Variants in ITIH5 observed in about 807,000 individuals in gnomAD.
The protein encoded by ITIH5 is inter-alpha-trypsin inhibitor heavy chain 5, also known as inter-alpha-trypsin inhibitor heavy chain H5.
A neutral mutation model predicts 77.5 loss-of-function variants in ITIH5; 65 were observed. The observed-to-expected ratio is 0.84, with a 90% CI of 0.69 to 1.03. The LOEUF (loss-of-function observed/expected upper bound fraction) is 1.03, where lower values mean the gene tolerates loss of function less well. Ranked by LOEUF, ITIH5 falls within the 50% of genes least tolerant of loss-of-function variation. The pLI, the probability that ITIH5 is intolerant of heterozygous loss-of-function variation, is 0.00. For synonymous variants in ITIH5, 525 were observed against 494.3 expected (o/e 1.06, Z -0.82); for missense variants, 1,208 against 1,213.1 (o/e 1.00, Z 0.06).
At chr10:7,661,530 C>A (rs1315103568) in intron 1 of ITIH5, among the ~76,000 whole-genome samples, 1 of 152,142 alleles carries the variant, frequency 6.6e-6, no homozygotes, top group East Asian at 1.9e-4. Flanking sequence ...AGAATATTCC[C>A]ATTTGGGTAA....
intron 12 of ITIH5, 107 bp downstream of exon 12, chr10:7,569,561 G>A (rs1021405090): frequency 8.6e-5 from 56 of 650,540 alleles, no homozygotes; most frequent in Middle Eastern, 3.6e-4. Flanking sequence ...CTCACTGAGC[G>A]TCTGTAAGGT....
chr10:7,608,629 G>A (rs1237978034), intron 7 of ITIH5, among the ~76,000 whole-genome samples: 2 of 152,138 alleles, frequency 1.3e-5, no homozygotes, highest in Non-Finnish European at 2.9e-5. Flanking sequence ...GTCTGAAGAA[G>A]GCAGCTACAA....
chr10:7,652,789 A>G (rs187842182), intron 2 of ITIH5, among the ~76,000 whole-genome samples: 1 of 152,286 alleles, frequency 6.6e-6, no homozygotes, highest in African/African-American at 2.4e-5. Context: ...TCAGAGAGGC[A>G]TTCTTCCAGT....
chr10:7,664,399 C>CAAA lies in ITIH5; in HGVS notation c.90+2401_90+2403dup, dbSNP rs35992152. Reference sequence around the variant, plus strand: ...TGGGCGACACAGCGAGATTCCGTCTCAAAAAAAAAAAAAAAACTAAAATGT... The same window carrying CAAA: ...TGGGCGACACAGCGAGATTCCGTCTCAAAAAAAAAAAAAAAAAAACTAAAATGT... On this transcript the variant is annotated intron_variant, in intron 1 of 13. Coordinates refer to ENST00000397146, the MANE Select transcript of ITIH5 (RefSeq NM_030569.7). 3.3e-3 allele frequency among the ~76,000 whole-genome samples: 394 copies of CAAA among 118,634 alleles called. 8 individuals carry two copies. In the East Asian group the frequency reaches 0.036, roughly 11 times the overall value. The allele number at this position is 118,634 out of a possible 152,430, so 77.8% of individuals were successfully genotyped here.
intron 8 of ITIH5, among the ~76,000 whole-genome samples, chr10:7,583,612 G>C (rs1832613074): frequency 1.3e-5 from 2 of 152,188 alleles, no homozygotes; most frequent in South Asian, 4.1e-4. Flanking sequence ...AGGGTTATAG[G>C]TATGAGCCAC....
intron 6 of ITIH5, 29 bp from the exon 7 acceptor site, chr10:7,616,127 G>A (rs781550527): frequency 4.2e-5 from 56 of 1,336,018 alleles, no homozygotes; most frequent in Non-Finnish European, 5.7e-5. Context: ...AGTAAAAACG[G>A]TAGTACCTAG....
rs950466402 is a variant in ITIH5 at position 7,562,940 on chromosome 10, C to T, written c.*143G>A. On this transcript the variant is annotated 3_prime_UTR_variant, in exon 14 of 14. Transcript: ENST00000397146. ...CCCTACCCTTCGCCCAGACAGACGT[C>T]GGATCTATGCTGCACCAGGGGTGGG... is the stretch of plus-strand genomic sequence containing the variant. The T allele has an allele frequency of 2.0e-5, 11 of 553,100 alleles. No homozygotes were observed. Among genetic ancestry groups the T allele is most frequent in the Non-Finnish European group, 3.7e-5 (11 of 295,114 alleles). The allele number at this position is 553,100 out of a possible 1,614,324, so 34.3% of individuals were successfully genotyped here. A position where few individuals can be genotyped will look rare whatever the true frequency, so the allele number is the denominator to read the frequency against.
chr10:7,624,305 C>G (rs960399907), intron 5 of ITIH5, among the ~76,000 whole-genome samples: 1 of 150,286 alleles, frequency 6.7e-6, no homozygotes, highest in Non-Finnish European at 1.5e-5. Context: ...GTGGGGAGGT[C>G]GAGACCAGCC....
At chr10:7,600,602 C>G (rs1401445849) in intron 7 of ITIH5, 1 of 456,664 alleles carries the variant, frequency 2.2e-6, no homozygotes, top group Non-Finnish European at 4.4e-6. Context: ...AATTATCTGA[C>G]TTTACATTTG....
At chr10:7,644,458 T>TA (rs1198432925) in intron 2 of ITIH5, among the ~76,000 whole-genome samples, 5 of 143,518 alleles carry the variant, frequency 3.5e-5, no homozygotes, top group South Asian at 2.1e-4. Flanking sequence ...AGATCATATA[T>TA]ATCACATATA....
intron 4 of ITIH5, among the ~76,000 whole-genome samples, chr10:7,639,539 T>C (rs896419941): frequency 5.9e-5 from 9 of 152,220 alleles, no homozygotes; most frequent in African/African-American, 2.2e-4. Context: ...TGGCAGTCTA[T>C]AATTTTAGAG....
chr10:7,603,865 G>A (rs1343095485), intron 7 of ITIH5, among the ~76,000 whole-genome samples: 1 of 152,140 alleles, frequency 6.6e-6, no homozygotes, highest in Non-Finnish European at 1.5e-5. Flanking sequence ...TTACAGGCAT[G>A]AGCCACCACG....
intron 2 of ITIH5, among the ~76,000 whole-genome samples, chr10:7,654,956 C>CA (rs200434708): frequency 1.6e-5 from 2 of 125,944 alleles, no homozygotes; most frequent in Admixed American, 1.5e-4. Flanking sequence ...GAAAACCAAG[C>CA]AAAAAAAAAA....
At chr10:7,590,989 C>T (rs963491713) in intron 7 of ITIH5, among the ~76,000 whole-genome samples, 1 of 152,200 alleles carries the variant, frequency 6.6e-6, no homozygotes, top group Non-Finnish European at 1.5e-5. Flanking sequence ...CTCCGCCTCC[C>T]GGGTTCAAGC....
At position 7,566,274 on chromosome 10, in the gene ITIH5, G is replaced by C; in HGVS notation, c.2283C>G (p.Ser761Arg). ...TGTCCCCACCATCCAAGATGACTCT[G>C]CTCGGTGTGATCTCGAGATAAGATC... ...PERSYLEITP[S>R]RVILDGGDRL... Residue 761 changes from serine to arginine, a missense_variant, in exon 13 of 14, where the codon AGC becomes AGG. Transcript: ENST00000397146. 6.2e-7 allele frequency: 1 copy of C among 1,613,512 alleles called. No homozygotes were observed. Among genetic ancestry groups the C allele is most frequent in the South Asian group, 1.1e-5 (1 of 90,910 alleles).
chr10:7,570,841 C>T (rs562838028), intron 11 of ITIH5, among the ~76,000 whole-genome samples: 81 of 152,200 alleles, frequency 5.3e-4, no homozygotes, highest in Non-Finnish European at 1.1e-3. Context: ...AGGCTGGTCT[C>T]AAACTCCTGG....
At chr10:7,578,708 C>T (rs144396569) in intron 9 of ITIH5, 2 of 152,278 alleles carry the variant, frequency 1.3e-5, no homozygotes, top group Middle Eastern at 6.8e-3. Flanking sequence ...CCCAAACCTC[C>T]CCTTTGCTTT....
chr10:7,578,464 A>G (rs1200324186), intron 9 of ITIH5: 2 of 165,598 alleles, frequency 1.2e-5, no homozygotes, highest in Non-Finnish European at 2.9e-5. Flanking sequence ...TTGAATTTCA[A>G]TTCTGTTATC....
intron 10 of ITIH5, among the ~76,000 whole-genome samples, chr10:7,575,225 A>C (rs142307041): frequency 6.6e-6 from 1 of 152,320 alleles, no homozygotes; most frequent in East Asian, 1.9e-4. Context: ...TTCTTACAAC[A>C]GCCCTGCAGG....
Sources: gnomAD v4.1 joint callset for allele counts (sites outside exome capture counted in the v4.1 genomes callset) on GRCh38, gnomAD v4.1.1 for gene constraint, MANE v1.5 for transcripts, NCBI Gene and HGNC (gene_info 2026-07-23, HGNC 2026-07-21) for gene names.